Variants in CRPPA observed in about 807,000 individuals in gnomAD.
The protein encoded by CRPPA is D-ribitol-5-phosphate cytidylyltransferase.
A neutral mutation model predicts 52.0 loss-of-function variants in CRPPA; 43 were observed. That is an observed-to-expected ratio of 0.83 (90% CI 0.65 to 1.07). The LOEUF (loss-of-function observed/expected upper bound fraction) is 1.07. CRPPA is among the 50% of genes least tolerant of loss of function. CRPPA has a pLI of 0.00. For missense variants in CRPPA, 629 were observed against 551.7 expected (o/e 1.14, Z -1.40); for synonymous variants, 250 against 203.5 (o/e 1.23, Z -1.94).
intron 9 of CRPPA, among the ~76,000 whole-genome samples, chr7:16,115,283 G>C (rs528219042): frequency 6.6e-6 from 1 of 152,116 alleles, no homozygotes; most frequent in Non-Finnish European, 1.5e-5. Context: ...TAGCAATTCT[G>C]AAAGTATACT....
At chr7:16,277,069 A>G (rs1300002952) in intron 6 of CRPPA, 1 of 152,196 alleles carries the variant, frequency 6.6e-6, no homozygotes, top group East Asian at 1.9e-4. Flanking sequence ...TTCTCTAAGC[A>G]CTTTAAATAT....
At chr7:16,266,843 C>A (rs891046865) in intron 6 of CRPPA, among the ~76,000 whole-genome samples, 3 of 152,078 alleles carry the variant, frequency 2.0e-5, no homozygotes, top group Non-Finnish European at 4.4e-5. Context: ...AAAATACCAC[C>A]CTGCTTTTCT....
At chr7:16,403,882 A>G (rs1308842693) in intron 2 of CRPPA, among the ~76,000 whole-genome samples, 1 of 152,192 alleles carries the variant, frequency 6.6e-6, no homozygotes, top group Non-Finnish European at 1.5e-5. Flanking sequence ...TCAAAGTTGT[A>G]GATAACCAAT....
chr7:16,397,044 C>A (rs1787599656), intron 2 of CRPPA, among the ~76,000 whole-genome samples: 1 of 152,054 alleles, frequency 6.6e-6, no homozygotes, highest in African/African-American at 2.4e-5. Context: ...ATGTGTAACA[C>A]ATGTGACACA....
At chr7:16,327,963 C>G in intron 3 of CRPPA, among the ~76,000 whole-genome samples, 1 of 152,120 alleles carries the variant, frequency 6.6e-6, no homozygotes, top group East Asian at 1.9e-4. Context: ...TTGCCCAAAG[C>G]TAAGAAAAAC....
At chr7:16,378,998 T>C (rs1031423199) in intron 2 of CRPPA, among the ~76,000 whole-genome samples, 1 of 152,192 alleles carries the variant, frequency 6.6e-6, no homozygotes, top group African/African-American at 2.4e-5. Context: ...TTGTAGATTC[T>C]GGATATTAGC....
chr7:16,258,873 CA>C, intron 7 of CRPPA, 46 bp downstream of exon 7: 2 of 1,195,728 alleles, frequency 1.7e-6, no homozygotes, highest in Non-Finnish European at 1.2e-6. Context: ...TTCTCTTCCA[CA>C]TTTGTTCATA....
intron 3 of CRPPA, among the ~76,000 whole-genome samples, chr7:16,309,811 G>A (rs1784995640): frequency 6.6e-6 from 1 of 152,026 alleles, no homozygotes; most frequent in South Asian, 2.1e-4. Context: ...AAACCTCTGG[G>A]ACCCACAGTC....
At chr7:16,336,797 C>T (rs192805987) in intron 3 of CRPPA, among the ~76,000 whole-genome samples, 56 of 152,110 alleles carry the variant, frequency 3.7e-4, no homozygotes, top group Non-Finnish European at 1.3e-4. Context: ...GGAAAAAAGA[C>T]ATTCCACATG....
chr7:16,231,163 C>G (rs1438139724), intron 8 of CRPPA, among the ~76,000 whole-genome samples: 1 of 152,178 alleles, frequency 6.6e-6, no homozygotes, highest in Non-Finnish European at 1.5e-5. Flanking sequence ...TGTCTCTTCC[C>G]TATTCCATGC....
chr7:16,299,985 T>G (rs1253189171), intron 5 of CRPPA, among the ~76,000 whole-genome samples: 2 of 152,072 alleles, frequency 1.3e-5, no homozygotes, highest in Non-Finnish European at 2.9e-5. Context: ...CCAAACTGAG[T>G]TTTATATTTC....
At chr7:16,182,200 G>C (rs1382318271) in intron 9 of CRPPA, among the ~76,000 whole-genome samples, 1 of 151,696 alleles carries the variant, frequency 6.6e-6, no homozygotes, top group Non-Finnish European at 1.5e-5. Flanking sequence ...AGCATTAATA[G>C]GGATAAGAAA....
intron 3 of CRPPA, among the ~76,000 whole-genome samples, chr7:16,312,473 T>C (rs1199443435): frequency 5.3e-5 from 8 of 152,038 alleles, no homozygotes; most frequent in Non-Finnish European, 8.8e-5. Context: ...GCAACTTTTC[T>C]AATACTGTCC....
chr7:16,130,505 C>G (rs1782661257), intron 9 of CRPPA, among the ~76,000 whole-genome samples: 1 of 151,858 alleles, frequency 6.6e-6, no homozygotes, highest in Admixed American at 6.6e-5. Flanking sequence ...CTGTTCTATA[C>G]TATCCATTCC....
chr7:16,356,813 T>A (rs996202039), intron 3 of CRPPA, among the ~76,000 whole-genome samples: 44 of 152,282 alleles, frequency 2.9e-4, no homozygotes, highest in Admixed American at 2.6e-3. Flanking sequence ...TTAACATGAG[T>A]CACAATATTT....
At chr7:16,254,683 C>T (rs1200341469) in intron 8 of CRPPA, among the ~76,000 whole-genome samples, 1 of 151,018 alleles carries the variant, frequency 6.6e-6, no homozygotes, top group South Asian at 2.1e-4. Context: ...CACATGTGTA[C>T]CTATGTAACA....
intron 9 of CRPPA, among the ~76,000 whole-genome samples, chr7:16,096,644 T>G (rs1396316445): frequency 6.6e-6 from 1 of 152,188 alleles, no homozygotes; most frequent in Non-Finnish European, 1.5e-5. Flanking sequence ...CAGGGTAGAG[T>G]GCAGGTTGCC....
At chr7:16,389,922 A>ATATAT (rs1163713598) in intron 2 of CRPPA, among the ~76,000 whole-genome samples, 148 of 62,190 alleles carry the variant, frequency 2.4e-3, no homozygotes, top group Admixed American at 5.4e-3. Context: ...ACAAAAAAAA[A>ATATAT]AAAAAAATAT....
chr7:16,119,398 T>G (rs1034511557), intron 9 of CRPPA, among the ~76,000 whole-genome samples: 3 of 146,476 alleles, frequency 2.0e-5, no homozygotes, highest in African/African-American at 7.5e-5. Flanking sequence ...TTAAAAAAAA[T>G]GCAAAACACC....
Sources: allele counts gnomAD v4.1 joint callset (sites outside exome capture counted in the v4.1 genomes callset), GRCh38; gene constraint gnomAD v4.1.1; transcripts MANE v1.5; gene names NCBI Gene and HGNC (gene_info 2026-07-23, HGNC 2026-07-21).